Variants in MAML3 observed in about 807,000 individuals in gnomAD.
MAML3 encodes the protein mastermind-like protein 3.
MAML3 carries 27 observed loss-of-function variants against 101.9 expected under a neutral mutation model. That is an observed-to-expected ratio of 0.27 (90% CI 0.20 to 0.37). The LOEUF (loss-of-function observed/expected upper bound fraction) is 0.37, where lower values mean the gene tolerates loss of function less well. Among genes scored for constraint, MAML3 ranks in the 10% least tolerant of loss-of-function variants. The pLI is 1.00. For missense variants in MAML3, 1,316 were observed against 1,444.9 expected, an observed-to-expected ratio of 0.91 and a Z score of 1.45; for synonymous variants, 501 against 555.9, an observed-to-expected ratio of 0.90 and a Z score of 1.39.
chr4:140,133,475 C>A (rs1578702121), intron 1 of MAML3, among the ~76,000 whole-genome samples: 1 of 152,112 alleles, frequency 6.6e-6, no homozygotes, highest in Admixed American at 6.6e-5. Flanking sequence ...TAGAGGACCA[C>A]AAAGTGATAG....
intron 1 of MAML3, among the ~76,000 whole-genome samples, chr4:139,970,572 C>A (rs1416712398): frequency 6.6e-6 from 1 of 152,138 alleles, no homozygotes; most frequent in East Asian, 1.9e-4. Flanking sequence ...GACGCCCAAG[C>A]AGTTTAGGTA....
intron 1 of MAML3, among the ~76,000 whole-genome samples, chr4:140,152,147 C>G (rs987436405): frequency 6.6e-6 from 1 of 152,128 alleles, no homozygotes; most frequent in African/African-American, 2.4e-5. Flanking sequence ...CGGGCTAGCC[C>G]CGAGTCGCGA....
chr4:139,859,909 G>A (rs1731737221), intron 2 of MAML3, among the ~76,000 whole-genome samples: 2 of 152,202 alleles, frequency 1.3e-5, no homozygotes, highest in South Asian at 2.1e-4. Flanking sequence ...CCGTCTGTAC[G>A]AGAGCAAACG....
At chr4:140,140,888 G>A (rs1201929990) in intron 1 of MAML3, among the ~76,000 whole-genome samples, 1 of 152,106 alleles carries the variant, frequency 6.6e-6, no homozygotes, top group East Asian at 1.9e-4. Flanking sequence ...CAGCAAAGTT[G>A]GGGACCTCAT....
intron 2 of MAML3, among the ~76,000 whole-genome samples, chr4:139,809,865 T>C (rs1309077486): frequency 7.0e-6 from 1 of 142,948 alleles, no homozygotes; most frequent in Non-Finnish European, 1.5e-5. Context: ...TACCTGCACG[T>C]ACACACACAC....
intron 1 of MAML3, among the ~76,000 whole-genome samples, chr4:140,074,226 AAAG>A (rs1727726486): frequency 6.7e-6 from 1 of 150,312 alleles, no homozygotes; most frequent in Non-Finnish European, 1.5e-5. Context: ...AGAAAGAAAG[AAAG>A]AAAGAAAGAA....
chr4:139,894,454 G>A (rs1219892961), intron 1 of MAML3, among the ~76,000 whole-genome samples: 1 of 151,428 alleles, frequency 6.6e-6, no homozygotes, highest in African/African-American at 2.4e-5. Context: ...GGGCTACAGT[G>A]AGCTGAGATC....
At chr4:139,801,647 T>TGG (rs1730609325) in intron 2 of MAML3, among the ~76,000 whole-genome samples, 1 of 15,242 alleles carries the variant, frequency 6.6e-5, no homozygotes, top group African/African-American at 1.7e-4. Flanking sequence ...TGTGTGGGTG[T>TGG]GTGTGTGTGT....
rs1201772748 is a variant in MAML3 at position 139,730,595 on chromosome 4, T to C, written c.2152A>G (p.Met718Val). ...CCTGCGGGACTGGCTCCTGAGACCA[T>C]GCCACCTGAGCCTGGGGGCACGGAG... The part of the protein sequence containing the change: ...QSSVPPGSGG[M>V]VSGASPAGPG... Residue 718 changes from methionine to valine, a missense_variant, in exon 3 of 5, where the codon ATG becomes GTG. Transcript: ENST00000509479. The C allele has an allele frequency of 1.2e-6, 2 of 1,610,814 alleles. No homozygotes were observed. Among genetic ancestry groups the C allele is most frequent in the South Asian group, 1.1e-5 (1 of 90,032 alleles).
intron 1 of MAML3, among the ~76,000 whole-genome samples, chr4:140,006,879 A>G (rs1726462296): frequency 6.6e-6 from 1 of 152,228 alleles, no homozygotes; most frequent in African/African-American, 2.4e-5. Flanking sequence ...AGTACTTTGG[A>G]TATATTAACT....
chr4:139,873,555 A>G (rs1732054848), intron 2 of MAML3, among the ~76,000 whole-genome samples: 2 of 152,216 alleles, frequency 1.3e-5, no homozygotes, highest in Admixed American at 6.5e-5. Flanking sequence ...TGAAGAAACG[A>G]AGGTGTGTGA....
intron 1 of MAML3, among the ~76,000 whole-genome samples, chr4:140,084,155 CT>C (rs1727913804): frequency 6.6e-6 from 1 of 152,144 alleles, no homozygotes; most frequent in Non-Finnish European, 1.5e-5. Flanking sequence ...TGAATGATTA[CT>C]ATTATCTGAT....
chr4:139,945,522 G>C (rs1159913863), intron 1 of MAML3, among the ~76,000 whole-genome samples: 1 of 152,086 alleles, frequency 6.6e-6, no homozygotes, highest in Non-Finnish European at 1.5e-5. Context: ...CCAAACCACA[G>C]ACAAGCTGCC....
At chr4:140,097,909 T>G (rs1560892730) in intron 1 of MAML3, among the ~76,000 whole-genome samples, 1 of 152,234 alleles carries the variant, frequency 6.6e-6, no homozygotes, top group Non-Finnish European at 1.5e-5. Context: ...TATCACTGAC[T>G]GGCTTGGCAT....
At chr4:140,125,774 T>TTTGTTG (rs554330299) in intron 1 of MAML3, among the ~76,000 whole-genome samples, 1 of 150,752 alleles carries the variant, frequency 6.6e-6, no homozygotes, top group Non-Finnish European at 1.5e-5. Context: ...TACAGGTGTT[T>TTTGTTG]TTGTTGTTGT....
intron 1 of MAML3, among the ~76,000 whole-genome samples, chr4:140,099,700 G>A (rs1728222572): frequency 6.6e-6 from 1 of 152,148 alleles, no homozygotes; most frequent in Non-Finnish European, 1.5e-5. Flanking sequence ...TAAAGGATGA[G>A]CAGAATGTCT....
intron 1 of MAML3, among the ~76,000 whole-genome samples, chr4:140,108,362 T>G (rs1041364083): frequency 6.6e-6 from 1 of 151,926 alleles, no homozygotes; most frequent in African/African-American, 2.4e-5. Flanking sequence ...ACTGTCGTCA[T>G]TTAATGCTTC....
intron 1 of MAML3, among the ~76,000 whole-genome samples, chr4:140,116,380 T>C (rs1401946587): frequency 6.6e-6 from 1 of 152,224 alleles, no homozygotes; most frequent in South Asian, 2.1e-4. Context: ...TACTCAAAAC[T>C]AGCCCTCCTG....
At chr4:140,145,905 C>CTTTTTTTT (rs1729055667) in intron 1 of MAML3, among the ~76,000 whole-genome samples, 1 of 38,526 alleles carries the variant, frequency 2.6e-5, no homozygotes, top group Non-Finnish European at 5.6e-5. Flanking sequence ...AGGATTTTTA[C>CTTTTTTTT]TCTTGTTGCC....
Sources: gnomAD v4.1 joint callset for allele counts (sites outside exome capture counted in the v4.1 genomes callset) on GRCh38, gnomAD v4.1.1 for gene constraint, MANE v1.5 for transcripts, NCBI Gene and HGNC (gene_info 2026-07-23, HGNC 2026-07-21) for gene names.